DIAPH3: variants seen among roughly 807,000 people sequenced by gnomAD.
The protein encoded by DIAPH3 is protein diaphanous homolog 3.
In DIAPH3, 117 loss-of-function variants were observed where a neutral mutation model predicts 144.3. The ratio of observed to expected loss-of-function variants is 0.81; its 90% CI spans 0.70 to 0.95. The LOEUF is 0.95. Ranked by LOEUF, DIAPH3 falls within the 40% of genes least tolerant of loss-of-function variation. The pLI is 0.00. For missense variants in DIAPH3, 1,421 were observed against 1,412.7 expected (o/e 1.01, Z -0.09); for synonymous variants, 519 against 488.9 (o/e 1.06, Z -0.81).
At chr13:60,098,830 T>C (rs1288123181) in intron 3 of DIAPH3, among the ~76,000 whole-genome samples, 2 of 152,188 alleles carry the variant, frequency 1.3e-5, no homozygotes, top group African/African-American at 4.8e-5. Flanking sequence ...TGCTGATATA[T>C]GTACGTATCT....
intron 17 of DIAPH3, among the ~76,000 whole-genome samples, chr13:59,947,301 T>G (rs888761163): frequency 6.6e-6 from 1 of 152,182 alleles, no homozygotes; most frequent in Non-Finnish European, 1.5e-5. Flanking sequence ...GTTGAATAGC[T>G]TTCAACAGAA....
At chr13:60,106,111 C>CACATCTGATTTTTATCGGT (rs2058412496) in intron 3 of DIAPH3, among the ~76,000 whole-genome samples, 1 of 152,088 alleles carries the variant, frequency 6.6e-6, no homozygotes, top group Non-Finnish European at 1.5e-5. Flanking sequence ...AGAACATGGT[C>CACATCTGATTTTTATCGGT]ACATCTGATT....
intron 1 of DIAPH3, among the ~76,000 whole-genome samples, chr13:60,150,237 C>T (rs1267284603): frequency 6.6e-6 from 1 of 152,088 alleles, no homozygotes; most frequent in African/African-American, 2.4e-5. Flanking sequence ...GTTGCCCAGG[C>T]TGGTCGTGAA....
chr13:60,123,029 T>C (rs896120149), intron 2 of DIAPH3, among the ~76,000 whole-genome samples: 1 of 152,186 alleles, frequency 6.6e-6, no homozygotes. Flanking sequence ...CAAAAAGTCA[T>C]GTGAAGACAT....
intron 20 of DIAPH3, among the ~76,000 whole-genome samples, chr13:59,893,022 C>T (rs2045900762): frequency 6.6e-6 from 1 of 151,990 alleles, no homozygotes; most frequent in African/African-American, 2.4e-5. Context: ...TTGTGAACGA[C>T]ATAAAATCTC....
chr13:60,065,507 G>A (rs1449547808), intron 4 of DIAPH3, among the ~76,000 whole-genome samples: 1 of 152,112 alleles, frequency 6.6e-6, no homozygotes, highest in Non-Finnish European at 1.5e-5. Flanking sequence ...CCTAGTAACA[G>A]TGCCTGAAAC....
chr13:59,995,888 G>A (rs1458239733), intron 9 of DIAPH3, among the ~76,000 whole-genome samples: 2 of 152,008 alleles, frequency 1.3e-5, no homozygotes, highest in Admixed American at 6.6e-5. Context: ...CGACAGTATA[G>A]AGGAAAAAGG....
intron 7 of DIAPH3, among the ~76,000 whole-genome samples, chr13:60,014,418 T>C (rs2053489638): frequency 6.6e-6 from 1 of 152,184 alleles, no homozygotes; most frequent in Non-Finnish European, 1.5e-5. Flanking sequence ...TTGTGATTCC[T>C]ACATCACATA....
intron 22 of DIAPH3, among the ~76,000 whole-genome samples, chr13:59,841,432 T>TAA (rs907860165): frequency 2.8e-5 from 4 of 145,248 alleles, no homozygotes; most frequent in Non-Finnish European, 6.1e-5. Context: ...CTCCAAAAAT[T>TAA]AAAAAAAAAA....
intron 27 of DIAPH3, among the ~76,000 whole-genome samples, chr13:59,736,397 C>G (rs1322664237): frequency 5.9e-5 from 9 of 152,174 alleles, no homozygotes; most frequent in Non-Finnish European, 1.0e-4. Context: ...CTAATTTACA[C>G]TTCCACCAGC....
chr13:59,982,438 C>T (rs1180274201), intron 13 of DIAPH3, among the ~76,000 whole-genome samples: 1 of 151,154 alleles, frequency 6.6e-6, no homozygotes. Context: ...CCAGGAACTT[C>T]TAATTGCTTA....
At chr13:59,839,287 A>AC in intron 23 of DIAPH3, 37 bp downstream of exon 23, 1 of 1,609,938 alleles carries the variant, frequency 6.2e-7, no homozygotes, top group Non-Finnish European at 8.5e-7. Flanking sequence ...TCTCTAGTTG[A>AC]CTAGTGACTT....
intron 17 of DIAPH3, among the ~76,000 whole-genome samples, chr13:59,935,555 G>C (rs1417453656): frequency 1.3e-5 from 2 of 152,078 alleles, no homozygotes; most frequent in Admixed American, 6.6e-5. Context: ...GAATACATAG[G>C]AAAAAAAGTC....
At chr13:60,158,704 G>C (rs1376812827) in intron 1 of DIAPH3, among the ~76,000 whole-genome samples, 1 of 151,956 alleles carries the variant, frequency 6.6e-6, no homozygotes, top group Non-Finnish European at 1.5e-5. Context: ...GAGTTCTAGA[G>C]TGGCAGCCCA....
chr13:60,075,781 G>A (rs1366091460), intron 4 of DIAPH3, among the ~76,000 whole-genome samples: 1 of 152,090 alleles, frequency 6.6e-6, no homozygotes, highest in African/African-American at 2.4e-5. Flanking sequence ...GAGACAGTGG[G>A]GAGGAAAGAG....
intron 4 of DIAPH3, among the ~76,000 whole-genome samples, chr13:60,053,284 T>A (rs939188174): frequency 1.3e-5 from 2 of 152,092 alleles, no homozygotes; most frequent in Admixed American, 1.3e-4. Context: ...GCCATGAAGA[T>A]GAAAATACTT....
intron 17 of DIAPH3, among the ~76,000 whole-genome samples, chr13:59,929,604 C>T (rs548205718): frequency 1.0e-4 from 15 of 146,124 alleles, no homozygotes; most frequent in African/African-American, 3.6e-4. Flanking sequence ...GCTCTGTCGC[C>T]CAGGCCAGAG....
chr13:59,788,141 T>C (rs2039132539), intron 25 of DIAPH3, among the ~76,000 whole-genome samples: 1 of 152,344 alleles, frequency 6.6e-6, no homozygotes, highest in South Asian at 2.1e-4. Flanking sequence ...ACCTCATTCA[T>C]AATTAAAGAT....
chr13:60,070,399 G>T (rs991854718), intron 4 of DIAPH3, among the ~76,000 whole-genome samples: 2 of 148,342 alleles, frequency 1.3e-5, no homozygotes, highest in African/African-American at 5.0e-5. Flanking sequence ...TCTATTATTT[G>T]TCTTTTGCCT....
Sources: gnomAD v4.1 joint callset for allele counts (sites outside exome capture counted in the v4.1 genomes callset) on GRCh38, gnomAD v4.1.1 for gene constraint, MANE v1.5 for transcripts, NCBI Gene and HGNC (gene_info 2026-07-23, HGNC 2026-07-21) for gene names.